Variants in CREG2 observed in about 807,000 individuals in gnomAD.
CREG2 encodes protein CREG2.
Under a neutral mutation model 26.2 loss-of-function variants are expected in CREG2, and 24 were observed. The ratio of observed to expected loss-of-function variants is 0.92; its 90% CI spans 0.66 to 1.29. The LOEUF (loss-of-function observed/expected upper bound fraction) is 1.29. Among genes scored for constraint, CREG2 ranks in the 50% most tolerant of loss-of-function variants. The probability of loss-of-function intolerance (pLI) is 0.00; values close to 1 mark genes in which losing one functional copy is unlikely to be tolerated. For synonymous variants in CREG2, 174 were observed against 169.2 expected, an observed-to-expected ratio of 1.03 and a Z score of -0.22; for missense variants, 366 against 398.6, an observed-to-expected ratio of 0.92 and a Z score of 0.70.
rs1684491241 is a variant in CREG2, at chr2:101,358,262, GATT to G, written c.612-2899_612-2897del. ...CTGCCTTGGCCTCCCAAAGTGCTGG[GATT>G]ACAGGCGTGAGCCACCGTGCCCAGC... On this transcript the variant is annotated intron_variant, in intron 2 of 3. Coordinates refer to ENST00000324768, the MANE Select transcript of CREG2 (RefSeq NM_153836.4). 2.0e-5 allele frequency among the ~76,000 whole-genome samples: 3 copies of G among 152,100 alleles called. No individual in the cohort carries two copies. The South Asian group carries it at 6.2e-4, about 31-fold the overall frequency.
At position 101,348,303 on chromosome 2, in the gene CREG2, C is replaced by CT. The variant is rs1558811409; in HGVS notation, c.*2619dup. 1 of 152,210 alleles carries CT rather than the reference C, an allele frequency of 6.6e-6. No individual in the cohort carries two copies. The allele number at this position is 152,210 out of a possible 1,614,324, so 9.4% of individuals were successfully genotyped here. A position where few individuals can be genotyped will look rare whatever the true frequency, so the allele number is the denominator to read the frequency against. On this transcript the variant is annotated 3_prime_UTR_variant, in exon 4 of 4. Transcript: ENST00000324768. ...TCAATGCCTGTGCCTTTCCATGTAACTTTTAAAATAAGCTTGTATAGGTCT... is the reference window on the plus strand; with the variant it reads ...TCAATGCCTGTGCCTTTCCATGTAACTTTTTAAAATAAGCTTGTATAGGTCT...
At chr2:101,364,310 A>G (rs1236698993) in intron 2 of CREG2, among the ~76,000 whole-genome samples, 2 of 152,182 alleles carry the variant, frequency 1.3e-5, no homozygotes, top group Non-Finnish European at 2.9e-5. Flanking sequence ...TGTCCTTCGC[A>G]TAATAGAGTA....
rs1237171997 is a variant in CREG2 at position 101,387,170 on chromosome 2, C to T, written c.288G>A (p.Pro96=). 3.1e-6 allele frequency: 4 copies of T among 1,282,776 alleles called. No individual in the cohort carries two copies. The highest frequency in any genetic ancestry group is 4.0e-6 in the Non-Finnish European group (4 of 1,012,558). 79.5% of individuals were successfully genotyped at this position (1,282,776 alleles called of 1,614,324 possible). ...RPRAGAARAR[P]PPAPPGMFSY... is the part of the protein sequence containing the mutation. Reference sequence around the variant, plus strand: ...AGAACATCCCGGGTGGCGCGGGGGGCGGCCTGGCCCGGGCGGCGCCCGCCC... The same window carrying T: ...AGAACATCCCGGGTGGCGCGGGGGGTGGCCTGGCCCGGGCGGCGCCCGCCC... The change falls in exon 1 of 4, where the codon CCG becomes CCA. Residue 96 remains proline, a synonymous_variant. Coordinates refer to ENST00000324768, the MANE Select transcript of CREG2 (RefSeq NM_153836.4). The surrounding 1 kb of genome is among the most constrained non-coding windows in gnomAD (Gnocchi z 4.7).
At chr2:101,376,887 C>T (rs962682919) in intron 2 of CREG2, among the ~76,000 whole-genome samples, 6 of 152,108 alleles carry the variant, frequency 3.9e-5, no homozygotes, top group Admixed American at 6.6e-5. Flanking sequence ...ACTTCCCTCT[C>T]GTCAGTAGAC....
At chr2:101,351,146 C>T in intron 3 of CREG2, 76 bp from the exon 4 acceptor site, 1 of 1,446,716 alleles carries the variant, frequency 6.9e-7, no homozygotes, top group Non-Finnish European at 9.4e-7. Context: ...CATAGGACCT[C>T]CAGAGTCCAG....
At chr2:101,383,009 T>G (rs1475284887) in intron 2 of CREG2, 2 of 986,790 alleles carry the variant, frequency 2.0e-6, no homozygotes. Flanking sequence ...TAAATGTCTT[T>G]AGAAGTGTTT....
intron 3 of CREG2, 144 bp from the exon 4 acceptor site, chr2:101,351,214 TGTCA>T: frequency 2.7e-6 from 2 of 750,326 alleles, no homozygotes; most frequent in South Asian, 2.2e-5. Flanking sequence ...GGGAGCTGAG[TGTCA>T]GTGCCTGGGA....
chr2:101,363,918 A>G, intron 2 of CREG2, among the ~76,000 whole-genome samples: 1 of 152,016 alleles, frequency 6.6e-6, no homozygotes, highest in South Asian at 2.1e-4. Flanking sequence ...AGTGGATTGG[A>G]CCACCCAATC....
intron 2 of CREG2, among the ~76,000 whole-genome samples, chr2:101,364,265 C>T (rs1684588821): frequency 6.6e-6 from 1 of 152,328 alleles, no homozygotes; most frequent in Non-Finnish European, 1.5e-5. Context: ...GCACGGTTGA[C>T]ATTTTGGGCT....
intron 2 of CREG2, among the ~76,000 whole-genome samples, chr2:101,365,752 A>G (rs1684609692): frequency 6.6e-6 from 1 of 152,016 alleles, no homozygotes. Context: ...TGTATTTTTC[A>G]GTGTCTCTCA....
chr2:101,359,034 C>CAAAAAAAAA (rs776544215), intron 2 of CREG2, among the ~76,000 whole-genome samples: 1 of 1,204 alleles, frequency 8.3e-4, no homozygotes, highest in Non-Finnish European at 3.4e-3. Flanking sequence ...GACTCCGTCT[C>CAAAAAAAAA]AAAAAAAAAA....
At chr2:101,362,900 C>A (rs1057136595) in intron 2 of CREG2, among the ~76,000 whole-genome samples, 18 of 152,240 alleles carry the variant, frequency 1.2e-4, no homozygotes, top group African/African-American at 4.3e-4. Context: ...GAGGGATGTC[C>A]TTCCTGCCTG....
intron 2 of CREG2, among the ~76,000 whole-genome samples, chr2:101,363,851 A>AACACACACACACAC (rs5832961): frequency 3.5e-4 from 51 of 146,080 alleles, no homozygotes; most frequent in African/African-American, 1.2e-3. Context: ...CCCTGTCTCA[A>AACACACACACACAC]ACACACACAC....
chr2:101,370,481 C>A (rs1223021203), intron 2 of CREG2, among the ~76,000 whole-genome samples: 1 of 152,142 alleles, frequency 6.6e-6, no homozygotes, highest in Non-Finnish European at 1.5e-5. Context: ...GAGAATCAGA[C>A]AAATTAAGTT....
Position 101,356,920 on chromosome 2 carries a change from C to T in CREG2, c.612-1554G>A, listed in dbSNP as rs1342969627. 4.6e-5 allele frequency among the ~76,000 whole-genome samples: 7 copies of T among 150,816 alleles called. No homozygotes were observed. The East Asian group carries it at 8.0e-4, about 17-fold the overall frequency. On this transcript the variant is annotated intron_variant, in intron 2 of 3. Coordinates refer to ENST00000324768, the MANE Select transcript of CREG2 (RefSeq NM_153836.4). ...TTCTTTTTTTTTTGAGATGGAGTCT[C>T]GCTCTGTCACCCAGGCTGGAGTGCA...
intron 2 of CREG2, among the ~76,000 whole-genome samples, chr2:101,357,328 G>A (rs775673881): frequency 6.6e-6 from 1 of 152,196 alleles, no homozygotes; most frequent in Non-Finnish European, 1.5e-5. Context: ...TGGCCTGTGG[G>A]GAAGGGAACT....
chr2:101,386,642 G>A (rs557420015), intron 1 of CREG2, among the ~76,000 whole-genome samples: 1 of 152,046 alleles, frequency 6.6e-6, no homozygotes, highest in Non-Finnish European at 1.5e-5. Flanking sequence ...TGTGCCCTGC[G>A]CTGGGAAGGG....
chr2:101,383,995 CTT>C (rs1332125194), intron 1 of CREG2, among the ~76,000 whole-genome samples: 1 of 152,182 alleles, frequency 6.6e-6, no homozygotes, highest in Non-Finnish European at 1.5e-5. Flanking sequence ...GATATACTCA[CTT>C]TGTTAAATTT....
rs775930446 is a variant in CREG2 at position 101,351,015 on chromosome 2, T to A, written c.781A>T (p.Arg261Trp). 6.2e-7 allele frequency: 1 copy of A among 1,614,156 alleles called. No homozygotes were observed. Among genetic ancestry groups the A allele is most frequent in the Non-Finnish European group, 8.5e-7 (1 of 1,179,974 alleles). The change falls in exon 4 of 4, where the codon AGG becomes TGG. Residue 261 changes from arginine to tryptophan, a missense_variant. Arg to Trp is a moderately radical substitution (Grantham distance 101). Coordinates refer to ENST00000324768, the MANE Select transcript of CREG2 (RefSeq NM_153836.4). Reference protein sequence around the residue: ...RQYEWFFMKMRIEHIWLQKWY... With the variant: ...RQYEWFFMKMWIEHIWLQKWY... Reference sequence around the variant, plus strand: ...TTCTGAAGCCAGATATGTTCTATCCTCATCTTCATAAAGAACCATTCATAT... The same window carrying A: ...TTCTGAAGCCAGATATGTTCTATCCACATCTTCATAAAGAACCATTCATAT...
Sources: gnomAD v4.1 joint callset for allele counts (sites outside exome capture counted in the v4.1 genomes callset) on GRCh38, gnomAD v4.1.1 for gene constraint, Gnocchi (gnomAD v3.1) non-coding constraint, MANE v1.5 for transcripts, NCBI Gene and HGNC (gene_info 2026-07-23, HGNC 2026-07-21) for gene names.